Variants in DCDC2 observed in about 807,000 individuals in gnomAD.
DCDC2 encodes doublecortin domain-containing protein 2.
DCDC2 carries 40 observed loss-of-function variants against 50.2 expected under a neutral mutation model. That is an observed-to-expected ratio of 0.80 (90% CI 0.62 to 1.04). The LOEUF (loss-of-function observed/expected upper bound fraction) is 1.04, where lower values mean the gene tolerates loss of function less well. Ranked by LOEUF, DCDC2 falls within the 50% of genes least tolerant of loss-of-function variation. The probability of loss-of-function intolerance (pLI) is 0.00; values close to 1 mark genes in which losing one functional copy is unlikely to be tolerated. For synonymous variants in DCDC2, 234 were observed against 210.6 expected (o/e 1.11, Z -0.96); for missense variants, 570 against 581.9 (o/e 0.98, Z 0.21).
chr6:24,178,519 C>T lies in DCDC2; in HGVS notation c.1137G>A (p.Arg379=), dbSNP rs1228097560. The T allele has an allele frequency of 1.2e-6, 2 of 1,614,178 alleles. No homozygotes were observed. The highest frequency in any genetic ancestry group is 2.2e-5 in the South Asian group (2 of 91,078). Residue 379 remains arginine (R), a synonymous_variant, in exon 9 of 10, where the codon AGG becomes AGA. Coordinates refer to ENST00000378454, the MANE Select transcript of DCDC2 (RefSeq NM_016356.5). ...CTTGCTCAGGGGCATCTGTAGCCTC[C>T]CTACCTCCTTCCTCTTCAAGGTCAC... ...MNGDLEEEGG[R]EATDAPEQVE... is the part of the protein sequence containing the mutation.
At chr6:24,199,038 C>T (rs1761515535) in intron 8 of DCDC2, among the ~76,000 whole-genome samples, 1 of 152,218 alleles carries the variant, frequency 6.6e-6, no homozygotes, top group Non-Finnish European at 1.5e-5. Context: ...ACTCCCATCT[C>T]CCTGGGACAG....
intron 6 of DCDC2, among the ~76,000 whole-genome samples, chr6:24,286,229 T>C (rs1763606411): frequency 6.6e-6 from 1 of 152,018 alleles, no homozygotes; most frequent in East Asian, 1.9e-4. Context: ...GTTCAAGCTG[T>C]GCTGGGTGAT....
At chr6:24,223,316 G>T (rs944616567) in intron 7 of DCDC2, among the ~76,000 whole-genome samples, 1 of 152,166 alleles carries the variant, frequency 6.6e-6, no homozygotes, top group African/African-American at 2.4e-5. Flanking sequence ...TTTATGGTGT[G>T]GTCACAAAGG....
chr6:24,198,062 G>A (rs1015298448), intron 8 of DCDC2, among the ~76,000 whole-genome samples: 11 of 151,956 alleles, frequency 7.2e-5, no homozygotes, highest in African/African-American at 2.2e-4. Context: ...GTGTTCTACT[G>A]GCCTAAGAAA....
chr6:24,255,890 C>G (rs190035762), intron 7 of DCDC2, among the ~76,000 whole-genome samples: 2 of 152,050 alleles, frequency 1.3e-5, no homozygotes, highest in African/African-American at 4.8e-5. Flanking sequence ...AATCATGTGG[C>G]CCAGCAATTC....
rs1273850752 is a variant in DCDC2 at position 24,229,936 on chromosome 6, T to C, written c.923-24834A>G. 3.9e-5 allele frequency among the ~76,000 whole-genome samples: 6 copies of C among 152,202 alleles called. No individual in the cohort carries two copies. The South Asian group carries it at 1.2e-3, about 32-fold the overall frequency. ...TTTGAGAGACCCATGGTTTGGCCAC[T>C]GGCTTCCTTCTGACCCACCCAGCCT... On this transcript the variant is annotated intron_variant, in intron 7 of 9. Coordinates refer to ENST00000378454, the MANE Select transcript of DCDC2 (RefSeq NM_016356.5).
At chr6:24,256,685 G>A (rs1225943397) in intron 7 of DCDC2, among the ~76,000 whole-genome samples, 1 of 152,170 alleles carries the variant, frequency 6.6e-6, no homozygotes. Context: ...ACTATTTAAA[G>A]TTATGCCCCA....
At chr6:24,307,281 G>A (rs887037697) in intron 2 of DCDC2, among the ~76,000 whole-genome samples, 4 of 152,156 alleles carry the variant, frequency 2.6e-5, no homozygotes, top group African/African-American at 9.7e-5. Flanking sequence ...AAAGGATGCT[G>A]TTAAATGATA....
intron 2 of DCDC2, among the ~76,000 whole-genome samples, chr6:24,344,472 C>T (rs1760220265): frequency 6.6e-6 from 1 of 152,180 alleles, no homozygotes; most frequent in Admixed American, 6.5e-5. Flanking sequence ...TGCATATCTG[C>T]TAATTTCACA....
intron 2 of DCDC2, among the ~76,000 whole-genome samples, chr6:24,334,734 C>T (rs759351591): frequency 4.6e-5 from 7 of 152,224 alleles, no homozygotes; most frequent in South Asian, 2.1e-4. Flanking sequence ...CTCCCTTCAA[C>T]GAGGCCTTGA....
intron 2 of DCDC2, among the ~76,000 whole-genome samples, chr6:24,315,502 C>T (rs6934890): frequency 0.025 from 3,826 of 152,188 alleles, 89 homozygotes; most frequent in African/African-American, 0.054. Flanking sequence ...CATTCAATGA[C>T]ATCTATCAGT....
the DCDC2 span, among the ~76,000 whole-genome samples, chr6:24,370,766 TA>T: frequency 5.2e-3 from 798 of 152,286 alleles, 5 homozygotes; most frequent in African/African-American, 0.018. Context: ...TATAACATGT[TA>T]AAAAACATGT....
At chr6:24,309,064 C>T (rs1042205480) in intron 2 of DCDC2, among the ~76,000 whole-genome samples, 6 of 152,104 alleles carry the variant, frequency 3.9e-5, no homozygotes, top group Non-Finnish European at 7.4e-5. Flanking sequence ...AATTAATCCA[C>T]GCCTGTAATC....
intron 7 of DCDC2, among the ~76,000 whole-genome samples, chr6:24,274,535 T>C (rs1261026329): frequency 6.6e-6 from 1 of 150,844 alleles, no homozygotes; most frequent in Non-Finnish European, 1.5e-5. Flanking sequence ...ATGAGATTTG[T>C]TTCCCTGAAG....
intron 2 of DCDC2, among the ~76,000 whole-genome samples, chr6:24,337,637 A>C (rs1474801267): frequency 6.6e-6 from 1 of 151,964 alleles, no homozygotes; most frequent in African/African-American, 2.4e-5. Flanking sequence ...CTACCAAAAA[A>C]ATATAAAAAA....
chr6:24,176,326 C>CA (rs34673398), intron 9 of DCDC2, among the ~76,000 whole-genome samples: 108 of 150,010 alleles, frequency 7.2e-4, no homozygotes, highest in Middle Eastern at 3.4e-3. Flanking sequence ...GATGTTGTCT[C>CA]AAAAAAAAAA....
chr6:24,302,097 T>C, intron 2 of DCDC2, 53 bp from the exon 3 acceptor site: 1 of 1,504,484 alleles, frequency 6.6e-7, no homozygotes, highest in East Asian at 2.3e-5. Context: ...ATTAGCTTTT[T>C]TTTTCCTATG....
At chr6:24,193,641 G>A (rs1856839) in intron 8 of DCDC2, among the ~76,000 whole-genome samples, 19,029 of 151,998 alleles carry the variant, frequency 0.13, 1,293 homozygotes, top group Middle Eastern at 0.18. Context: ...CACCTAAATG[G>A]TTCAACTAAG....
chr6:24,280,750 G>A (rs1561756340), intron 6 of DCDC2, among the ~76,000 whole-genome samples: 1 of 151,928 alleles, frequency 6.6e-6, no homozygotes. Context: ...ATGTTGACCA[G>A]GCTGATCTTG....
Sources: allele counts gnomAD v4.1 joint callset (sites outside exome capture counted in the v4.1 genomes callset), GRCh38; gene constraint gnomAD v4.1.1; transcripts MANE v1.5; gene names NCBI Gene and HGNC (gene_info 2026-07-23, HGNC 2026-07-21).